Variants in NTM observed in about 807,000 individuals in gnomAD.
NTM encodes IgLON family member 2.
NTM carries 13 observed loss-of-function variants against 42.1 expected under a neutral mutation model. That is an observed-to-expected ratio of 0.31 (90% CI 0.20 to 0.49). The LOEUF is 0.49. NTM is among the 20% of genes least tolerant of loss of function. NTM has a pLI of 0.99. For synonymous variants in NTM, 187 were observed against 179.2 expected (o/e 1.04, Z -0.35); for missense variants, 373 against 452.8 (o/e 0.82, Z 1.60).
At position 131,546,346 on chromosome 11, in the gene NTM, C is replaced by T. The variant is rs183406301; in HGVS notation, c.82+175458C>T. Among the ~76,000 whole-genome samples the T allele has an allele frequency of 3.5e-4, 53 of 152,348 alleles. 1 individual carries two copies. Among genetic ancestry groups the T allele is most frequent in the African/African-American group, 1.1e-3 (47 of 41,586 alleles). ...CTTGGTCCGTGATCCTTGATACAAA[C>T]AAGGTTCCCACGGCCCCGTTAGCCA... On this transcript the variant is annotated intron_variant, in intron 1 of 8. Coordinates refer to ENST00000683400, the MANE Select transcript of NTM (RefSeq NM_001352005.2).
intron 1 of NTM, among the ~76,000 whole-genome samples, chr11:131,759,215 A>G (rs766623365): frequency 1.2e-4 from 19 of 152,324 alleles, no homozygotes; most frequent in South Asian, 4.1e-4. Context: ...TGTGCTCTCC[A>G]TACTCTGGTA....
chr11:132,277,752 A>G (rs1410270827), intron 4 of NTM, among the ~76,000 whole-genome samples: 1 of 152,184 alleles, frequency 6.6e-6, no homozygotes, highest in Non-Finnish European at 1.5e-5. Flanking sequence ...AACAAATAAC[A>G]ATAGTAACCA....
intron 1 of NTM, among the ~76,000 whole-genome samples, chr11:131,412,539 C>T (rs893445724): frequency 2.0e-5 from 3 of 152,178 alleles, no homozygotes; most frequent in Non-Finnish European, 2.9e-5. Flanking sequence ...GTCCTCCTCT[C>T]TCCTCCCCAC....
chr11:132,264,668 A>T (rs2093069524), intron 4 of NTM, among the ~76,000 whole-genome samples: 1 of 152,228 alleles, frequency 6.6e-6, no homozygotes, highest in Non-Finnish European at 1.5e-5. Context: ...AATGAATTAA[A>T]ATAAGAAGAG....
At chr11:131,915,550 C>T (rs952077030) in intron 2 of NTM, among the ~76,000 whole-genome samples, 2 of 152,158 alleles carry the variant, frequency 1.3e-5, no homozygotes, top group African/African-American at 4.8e-5. Flanking sequence ...TTTTAAATTT[C>T]AACTACGGTC....
At chr11:131,486,357 T>A (rs938754474) in intron 1 of NTM, among the ~76,000 whole-genome samples, 4 of 152,150 alleles carry the variant, frequency 2.6e-5, no homozygotes, top group African/African-American at 9.7e-5. Context: ...GGACACCACG[T>A]TGTACAAGAA....
chr11:132,214,904 G>A (rs372849266), intron 4 of NTM, among the ~76,000 whole-genome samples: 2 of 152,240 alleles, frequency 1.3e-5, no homozygotes, highest in African/African-American at 2.4e-5. Context: ...TAGTTATCCC[G>A]GATTCAAAAT....
chr11:132,121,665 C>T (rs1341119563), intron 2 of NTM, among the ~76,000 whole-genome samples: 5 of 152,164 alleles, frequency 3.3e-5, no homozygotes, highest in Non-Finnish European at 7.3e-5. Flanking sequence ...TCCCATGAGT[C>T]ATTTGTGTCC....
intron 1 of NTM, among the ~76,000 whole-genome samples, chr11:131,904,944 G>A (rs904884276): frequency 1.3e-5 from 2 of 152,102 alleles, no homozygotes; most frequent in Admixed American, 6.5e-5. Context: ...TGCTCTGTCC[G>A]CCTTATGCTG....
chr11:132,333,263 C>T (rs1295918621), intron 8 of NTM, among the ~76,000 whole-genome samples: 1 of 152,246 alleles, frequency 6.6e-6, no homozygotes, highest in East Asian at 1.9e-4. Flanking sequence ...GAGTCCTCAG[C>T]CTCGGGCACA....
At chr11:132,218,651 C>T (rs375514472) in intron 4 of NTM, among the ~76,000 whole-genome samples, 1 of 152,258 alleles carries the variant, frequency 6.6e-6, no homozygotes, top group African/African-American at 2.4e-5. Context: ...AAGGAGTTTT[C>T]GCTCTGTTAT....
chr11:131,517,006 A>C (rs573506765), intron 1 of NTM, among the ~76,000 whole-genome samples: 89 of 152,322 alleles, frequency 5.8e-4, no homozygotes, highest in Non-Finnish European at 1.1e-3. Context: ...GCATGGGGGA[A>C]GGGTCACCAA....
chr11:131,842,144 C>G (rs1235002931), intron 1 of NTM, among the ~76,000 whole-genome samples: 1 of 152,144 alleles, frequency 6.6e-6, no homozygotes, highest in Non-Finnish European at 1.5e-5. Context: ...GCTCTAAAGG[C>G]TGGAGTGAGC....
chr11:132,101,664 C>T (rs2061646236), intron 2 of NTM, among the ~76,000 whole-genome samples: 1 of 152,004 alleles, frequency 6.6e-6, no homozygotes, highest in South Asian at 2.1e-4. Context: ...CTTCTTATTT[C>T]TCACCGAGCT....
At chr11:131,526,009 G>A (rs775346156) in intron 1 of NTM, among the ~76,000 whole-genome samples, 5 of 152,178 alleles carry the variant, frequency 3.3e-5, no homozygotes, top group African/African-American at 9.7e-5. Context: ...GAGATTCAAC[G>A]TAAACATTTA....
intron 1 of NTM, among the ~76,000 whole-genome samples, chr11:131,493,596 T>C (rs1955025152): frequency 6.6e-6 from 1 of 152,202 alleles, no homozygotes; most frequent in Non-Finnish European, 1.5e-5. Flanking sequence ...GCTTACTGTA[T>C]TGGGTAACTC....
chr11:132,317,306 G>A (rs2095454567), intron 7 of NTM, among the ~76,000 whole-genome samples: 1 of 150,374 alleles, frequency 6.7e-6, no homozygotes, highest in South Asian at 2.1e-4. Context: ...GTGGGGAAGT[G>A]GGAAACAAGT....
intron 4 of NTM, among the ~76,000 whole-genome samples, chr11:132,255,648 C>A (rs577721033): frequency 6.6e-6 from 1 of 152,204 alleles, no homozygotes; most frequent in Non-Finnish European, 1.5e-5. Context: ...GGTAAGCCAG[C>A]AAATAGACTC....
At chr11:131,392,604 G>C (rs996430714) in intron 1 of NTM, among the ~76,000 whole-genome samples, 1 of 152,194 alleles carries the variant, frequency 6.6e-6, no homozygotes, top group Non-Finnish European at 1.5e-5. Flanking sequence ...TCGCCTCCTG[G>C]AGCAGGTTGA....
Sources: allele counts gnomAD v4.1 joint callset (sites outside exome capture counted in the v4.1 genomes callset), GRCh38; gene constraint gnomAD v4.1.1; transcripts MANE v1.5; gene names NCBI Gene and HGNC (gene_info 2026-07-23, HGNC 2026-07-21).